The following ZNF678 variants were observed in gnomAD, a reference collection of about 807,000 sequenced individuals.
ZNF678 encodes zinc finger protein 678.
Under a neutral mutation model 3.0 loss-of-function variants are expected in ZNF678, and 5 were observed. That is an observed-to-expected ratio of 1.69 (90% CI 0.88 to 3.56). The LOEUF (loss-of-function observed/expected upper bound fraction) is 3.56. Among genes scored for constraint, ZNF678 ranks in the 30% most tolerant of loss-of-function variants. The probability of loss-of-function intolerance (pLI) is 0.00; values close to 1 mark genes in which losing one functional copy is unlikely to be tolerated. For missense variants in ZNF678, 593 were observed against 605.0 expected (o/e 0.98, Z 0.21); for synonymous variants, 218 against 199.6 (o/e 1.09, Z -0.78).
Position 227,657,257 on chromosome 1 carries a change from C to G in ZNF678, c.*1429C>G, listed in dbSNP as rs548177599. The stretch of plus-strand genomic sequence containing the variant: ...CTTGCTTTGTCTTTTGCCATGATAC[C>G]CCTTTGCCTTTTATTATGCATAAAA... On this transcript the variant is annotated 3_prime_UTR_variant, in exon 4 of 4. Transcript: ENST00000343776. 3 of 151,908 alleles carry G rather than the reference C, an allele frequency of 2.0e-5. No homozygotes were observed. The South Asian group carries it at 6.2e-4, about 32-fold the overall frequency. 9.4% of individuals were successfully genotyped at this position (151,908 alleles called of 1,614,324 possible). A position where few individuals can be genotyped will look rare whatever the true frequency, so the allele number is the denominator to read the frequency against.
At chr1:227,577,976 A>G (rs1657029263) in intron 1 of ZNF678, among the ~76,000 whole-genome samples, 1 of 152,086 alleles carries the variant, frequency 6.6e-6, no homozygotes, top group South Asian at 2.1e-4. Context: ...AAAGGATCTT[A>G]TTTCTTTTTT....
chr1:227,650,919 C>T, intron 2 of ZNF678, 37 bp from the exon 3 acceptor site: 1 of 1,501,110 alleles, frequency 6.7e-7, no homozygotes, highest in Non-Finnish European at 9.0e-7. Flanking sequence ...ATTTTTATGG[C>T]TTTTAAAAAA....
chr1:227,601,706 AGGCATGT>A (rs1657744109), intron 1 of ZNF678, among the ~76,000 whole-genome samples: 1 of 152,058 alleles, frequency 6.6e-6, no homozygotes, highest in African/African-American at 2.4e-5. Context: ...CTGGGATTAC[AGGCATGT>A]GCCAACACGC....
intron 3 of ZNF678, among the ~76,000 whole-genome samples, chr1:227,651,958 A>G (rs1659102038): frequency 6.6e-6 from 1 of 152,216 alleles, no homozygotes; most frequent in African/African-American, 2.4e-5. Flanking sequence ...CTCCTGTTCC[A>G]ACAACTTGCT....
chr1:227,573,154 G>A (rs1656898640), intron 1 of ZNF678, among the ~76,000 whole-genome samples: 1 of 152,218 alleles, frequency 6.6e-6, no homozygotes, highest in South Asian at 2.1e-4. Context: ...TCACACACAT[G>A]GTTATTTATT....
intron 1 of ZNF678, among the ~76,000 whole-genome samples, chr1:227,586,476 C>G (rs976833726): frequency 6.6e-5 from 10 of 152,020 alleles, no homozygotes; most frequent in African/African-American, 2.2e-4. Context: ...AATAGAAATT[C>G]TAGAACAAAA....
chr1:227,649,969 G>T (rs930399023), intron 2 of ZNF678, among the ~76,000 whole-genome samples: 54 of 151,260 alleles, frequency 3.6e-4, no homozygotes, highest in African/African-American at 1.2e-3. Flanking sequence ...CATCCTTCAG[G>T]TTTTCTTATT....
chr1:227,588,045 A>C (rs2102734727), intron 1 of ZNF678, among the ~76,000 whole-genome samples: 1 of 151,840 alleles, frequency 6.6e-6, no homozygotes, highest in East Asian at 1.9e-4. Flanking sequence ...ATGTTTTCTC[A>C]TCAATTAGCT....
chr1:227,628,507 C>A (rs925772451), intron 1 of ZNF678, among the ~76,000 whole-genome samples: 1 of 152,166 alleles, frequency 6.6e-6, no homozygotes, highest in African/African-American at 2.4e-5. Context: ...CAACAGCAGC[C>A]TTTTATGCCA....
At chr1:227,641,547 G>C (rs1190828062) in intron 1 of ZNF678, among the ~76,000 whole-genome samples, 2 of 151,928 alleles carry the variant, frequency 1.3e-5, no homozygotes, top group African/African-American at 2.4e-5. Flanking sequence ...AAATAATTTT[G>C]TTTTTAGTTG....
chr1:227,631,813 G>A (rs12070036), intron 1 of ZNF678, among the ~76,000 whole-genome samples: 70,966 of 152,088 alleles, frequency 0.47, 17,415 homozygotes, highest in African/African-American at 0.62. Flanking sequence ...ATTGACTTAT[G>A]TAGGATCACT....
rs1205417741 is a variant in ZNF678, at chr1:227,567,718, AT to A, written c.-164+4002del. On this transcript the variant is annotated intron_variant, in intron 1 of 3. Coordinates refer to ENST00000343776, the MANE Select transcript of ZNF678 (RefSeq NM_001367909.1). Reference sequence around the variant, plus strand: ...TTTGATTTTTTATTTTTATTTTTTTATTTTTTTTCCTCCAGAATTTTTCTTT... The same window carrying A: ...TTTGATTTTTTATTTTTATTTTTTTATTTTTTTCCTCCAGAATTTTTCTTT... 6.1e-5 allele frequency among the ~76,000 whole-genome samples: 9 copies of A among 147,416 alleles called. No homozygotes were observed. In the East Asian group the frequency reaches 1.0e-3, roughly 16 times the overall value.
intron 5 of ZNF678, among the ~76,000 whole-genome samples, chr1:227,674,204 T>G (rs1423648933): frequency 1.3e-5 from 2 of 152,180 alleles, no homozygotes; most frequent in Non-Finnish European, 2.9e-5. Context: ...CTTTAGATTA[T>G]AGGTTAGTTT....
chr1:227,675,704 C>G (rs960614190), intron 5 of ZNF678, among the ~76,000 whole-genome samples: 1 of 151,924 alleles, frequency 6.6e-6, no homozygotes, highest in African/African-American at 2.4e-5. Flanking sequence ...ATGGTACACA[C>G]TCCATATCCT....
intron 3 of ZNF678, 50 bp from the exon 4 acceptor site, chr1:227,654,286 T>C (rs1202743378): frequency 1.5e-6 from 2 of 1,365,810 alleles, no homozygotes; most frequent in Admixed American, 5.1e-5. Context: ...GTAAAGTATA[T>C]TTACTGGAGA....
At chr1:227,668,822 T>C (rs970690107) in intron 5 of ZNF678, among the ~76,000 whole-genome samples, 2 of 152,202 alleles carry the variant, frequency 1.3e-5, no homozygotes, top group African/African-American at 4.8e-5. Flanking sequence ...TAGGAAGTCG[T>C]TTCTTCATTG....
At position 227,655,596 on chromosome 1, in the gene ZNF678, G is replaced by A; in HGVS notation, c.1346G>A (p.Ser449Asn). Residue 449 changes from serine (S) to asparagine (N), a missense_variant, in exon 4 of 4, where the codon AGT (serine) becomes AAT (asparagine). By Grantham distance (46) the Ser-to-Asn change is conservative. Transcript: ENST00000343776. ...GCTTTTTACCAATCCTCAATCCTTA[G>A]TAAGCATAAGAGAATTCATACTGAA... The part of the protein sequence containing the change: ...GKAFYQSSIL[S>N]KHKRIHTEEK... The A allele has an allele frequency of 6.2e-7, 1 of 1,607,200 alleles. No individual in the cohort carries two copies. The highest frequency in any genetic ancestry group is 8.5e-7 in the Non-Finnish European group (1 of 1,177,028).
chr1:227,563,847 G>A (rs1656597083), intron 1 of ZNF678, 123 bp downstream of exon 1: 15 of 911,800 alleles, frequency 1.6e-5, no homozygotes, highest in Non-Finnish European at 2.3e-5. Context: ...TAGGGGCGGG[G>A]CCAGGCCGCC....
At chr1:227,575,608 T>C (rs751947977) in intron 1 of ZNF678, among the ~76,000 whole-genome samples, 4 of 152,332 alleles carry the variant, frequency 2.6e-5, no homozygotes, top group South Asian at 2.1e-4. Flanking sequence ...CCTGAGACTT[T>C]ACTGAAGTTG....
Sources: gnomAD v4.1 joint callset for allele counts (sites outside exome capture counted in the v4.1 genomes callset) on GRCh38, gnomAD v4.1.1 for gene constraint, MANE v1.5 for transcripts, NCBI Gene and HGNC (gene_info 2026-07-23, HGNC 2026-07-21) for gene names.